Variants in PARD3 observed in about 807,000 individuals in gnomAD.
PARD3 encodes the protein par-3 family cell polarity regulator.
Under a neutral mutation model 155.4 loss-of-function variants are expected in PARD3, and 75 were observed. The ratio of observed to expected loss-of-function variants is 0.48; its 90% CI spans 0.40 to 0.58. The LOEUF (loss-of-function observed/expected upper bound fraction) is 0.58. PARD3 is among the 20% of genes least tolerant of loss of function. PARD3 has a pLI of 0.00. For synonymous variants in PARD3, 576 were observed against 610.5 expected, an observed-to-expected ratio of 0.94 and a Z score of 0.83; for missense variants, 1,642 against 1,721.7, an observed-to-expected ratio of 0.95 and a Z score of 0.82.
At chr10:34,383,031 G>A in intron 8 of PARD3, 109 bp from the exon 9 acceptor site, 1 of 1,256,462 alleles carries the variant, frequency 8.0e-7, no homozygotes. Context: ...ACAGGCTGTT[G>A]AAATTGAAAA....
intron 22 of PARD3, among the ~76,000 whole-genome samples, chr10:34,164,519 G>A (rs1220193764): frequency 6.6e-6 from 1 of 152,166 alleles, no homozygotes; most frequent in Admixed American, 6.6e-5. Context: ...AGTAGTATTT[G>A]TTGAACTATT....
chr10:34,243,828 A>G (rs1463814308), intron 22 of PARD3, among the ~76,000 whole-genome samples: 1 of 152,194 alleles, frequency 6.6e-6, no homozygotes. Context: ...ATATATATGT[A>G]TATAGTCATC....
chr10:34,437,043 T>C (rs759423107), intron 5 of PARD3, among the ~76,000 whole-genome samples: 11 of 151,650 alleles, frequency 7.3e-5, no homozygotes, highest in Non-Finnish European at 1.3e-4. Flanking sequence ...ACTATGAATG[T>C]ATCACCTTTG....
Position 34,740,621 on chromosome 10 carries a change from T to G in PARD3, c.121-44202A>C, listed in dbSNP as rs993289544. The stretch of plus-strand genomic sequence containing the variant: ...CTACCTGTCAGCTCCCAGGGCACCC[T>G]AACTTTCACACCAAGCTGTTTTAAG... On this transcript the variant is annotated intron_variant, in intron 1 of 24. Coordinates refer to ENST00000374788, the MANE Select transcript of PARD3 (RefSeq NM_001184785.2). Among the ~76,000 whole-genome samples the G allele has an allele frequency of 2.6e-5, 4 of 151,028 alleles. No individual in the cohort carries two copies. In the South Asian group the frequency reaches 8.4e-4, roughly 32 times the overall value.
chr10:34,113,704 G>A (rs1946517052), intron 24 of PARD3, among the ~76,000 whole-genome samples: 1 of 152,090 alleles, frequency 6.6e-6, no homozygotes. Flanking sequence ...AGGTGGGAGT[G>A]GCTTAGGCTT....
At chr10:34,283,966 T>G (rs570651130) in intron 21 of PARD3, among the ~76,000 whole-genome samples, 169 bp downstream of exon 21, 3 of 151,488 alleles carry the variant, frequency 2.0e-5, no homozygotes, top group Non-Finnish European at 4.4e-5. Flanking sequence ...TTTTTTTTTT[T>G]AAATCTCTCT....
At chr10:34,501,958 T>C (rs764211531) in intron 3 of PARD3, among the ~76,000 whole-genome samples, 1 of 152,284 alleles carries the variant, frequency 6.6e-6, no homozygotes. Flanking sequence ...CTTGGATTAG[T>C]GCCCTTATTA....
intron 5 of PARD3, among the ~76,000 whole-genome samples, chr10:34,406,554 C>T (rs1844496592): frequency 6.6e-6 from 1 of 152,024 alleles, no homozygotes; most frequent in Non-Finnish European, 1.5e-5. Context: ...CTTTCATTCC[C>T]CTTTAGTTTT....
intron 14 of PARD3, among the ~76,000 whole-genome samples, chr10:34,353,444 G>A (rs1029445749): frequency 5.9e-5 from 9 of 152,184 alleles, no homozygotes; most frequent in African/African-American, 1.7e-4. Flanking sequence ...TGAAACATGT[G>A]CTGTGTCCAC....
chr10:34,727,465 A>C (rs1035745009), intron 1 of PARD3, among the ~76,000 whole-genome samples: 1 of 152,146 alleles, frequency 6.6e-6, no homozygotes, highest in East Asian at 1.9e-4. Context: ...GTCCTTCCAG[A>C]CTGCTGACAC....
At chr10:34,488,589 T>C (rs1035871033) in intron 3 of PARD3, 1 of 152,298 alleles carries the variant, frequency 6.6e-6, no homozygotes, top group African/African-American at 2.4e-5. Flanking sequence ...GTGCACGGCT[T>C]GCTCGTGAGC....
chr10:34,724,843 A>T (rs931776881), intron 1 of PARD3, among the ~76,000 whole-genome samples: 1 of 152,218 alleles, frequency 6.6e-6, no homozygotes, highest in Non-Finnish European at 1.5e-5. Context: ...AAGTGACAAC[A>T]ACGTAACTGC....
intron 2 of PARD3, among the ~76,000 whole-genome samples, chr10:34,574,212 G>A (rs2086706698): frequency 1.3e-5 from 2 of 152,090 alleles, no homozygotes; most frequent in Non-Finnish European, 2.9e-5. Context: ...ATAAAAAGGG[G>A]ACACTGGACT....
At chr10:34,669,976 C>T (rs1274999257) in intron 2 of PARD3, among the ~76,000 whole-genome samples, 1 of 152,196 alleles carries the variant, frequency 6.6e-6, no homozygotes, top group African/African-American at 2.4e-5. Flanking sequence ...AAAGGTCATT[C>T]AAAGTTAGAT....
At chr10:34,658,145 CAA>C (rs1165780902) in intron 2 of PARD3, among the ~76,000 whole-genome samples, 17 of 101,646 alleles carry the variant, frequency 1.7e-4, no homozygotes, top group Admixed American at 2.1e-4. Context: ...GACTCCGTCT[CAA>C]AAAAAAAAAA....
At chr10:34,231,332 A>C (rs1419094132) in intron 22 of PARD3, among the ~76,000 whole-genome samples, 1 of 149,672 alleles carries the variant, frequency 6.7e-6, no homozygotes, top group Non-Finnish European at 1.5e-5. Context: ...TGGTTCCTGA[A>C]CTATATTACT....
chr10:34,216,219 C>G (rs1951996187), intron 22 of PARD3, among the ~76,000 whole-genome samples: 1 of 152,152 alleles, frequency 6.6e-6, no homozygotes. Flanking sequence ...AGGAAACATG[C>G]ACAAAATTGA....
At chr10:34,746,500 A>G (rs1171303433) in intron 1 of PARD3, among the ~76,000 whole-genome samples, 1 of 152,180 alleles carries the variant, frequency 6.6e-6, no homozygotes, top group Non-Finnish European at 1.5e-5. Context: ...CACATTTATT[A>G]AAGCCATGAA....
intron 4 of PARD3, among the ~76,000 whole-genome samples, chr10:34,457,071 A>T (rs1485474439): frequency 1.3e-5 from 2 of 152,226 alleles, no homozygotes; most frequent in Non-Finnish European, 2.9e-5. Context: ...CAGAAGCATG[A>T]CATTTTAGTT....
Sources: gnomAD v4.1 joint callset for allele counts (sites outside exome capture counted in the v4.1 genomes callset) on GRCh38, gnomAD v4.1.1 for gene constraint, MANE v1.5 for transcripts, NCBI Gene and HGNC (gene_info 2026-07-23, HGNC 2026-07-21) for gene names.